The following GJB6 variants were observed in gnomAD, a reference collection of about 807,000 sequenced individuals.
GJB6 encodes gap junction beta-6 protein.
In GJB6, 5 loss-of-function variants were observed where a neutral mutation model predicts 5.4. The observed-to-expected ratio is 0.92, with a 90% CI of 0.48 to 1.93. The LOEUF is 1.93. GJB6 is among the 30% of genes most tolerant of loss of function. GJB6 has a pLI of 0.01. For missense variants in GJB6, 298 were observed against 326.9 expected, an observed-to-expected ratio of 0.91 and a Z score of 0.68; for synonymous variants, 136 against 129.6, an observed-to-expected ratio of 1.05 and a Z score of -0.34.
intron 4 of GJB6, among the ~76,000 whole-genome samples, chr13:20,227,667 C>G (rs867787584): frequency 6.6e-6 from 1 of 152,130 alleles, no homozygotes; most frequent in East Asian, 1.9e-4. Context: ...GGGGATCTGC[C>G]GTGCGTATCA....
rs532082190 is a variant in GJB6 at position 20,222,291 on chromosome 13, A to C, written c.*404T>G. On this transcript the variant is annotated 3_prime_UTR_variant, in exon 5 of 5. Transcript: ENST00000647029. ...AAGGAAGACCAGTCATTATAAAAAT[A>C]CTTTATATAAATTCAAAGTCAGAAC... 1 of 175,458 alleles carries C rather than the reference A, an allele frequency of 5.7e-6. No individual in the cohort carries two copies. The highest frequency in any genetic ancestry group is 5.6e-5 in the Admixed American group (1 of 17,998). 10.9% of individuals were successfully genotyped at this position (175,458 alleles called of 1,614,324 possible). A position where few individuals can be genotyped will look rare whatever the true frequency, so the allele number is the denominator to read the frequency against.
chr13:20,229,792 T>TCCACC (rs1869950674), intron 3 of GJB6, 43 bp from the exon 4 acceptor site: 1 of 72,816 alleles, frequency 1.4e-5, no homozygotes, highest in South Asian at 7.8e-4. Context: ...TTCCTTTAAC[T>TCCACC]CCCCCCCCCC....
At chr13:20,227,005 T>A (rs946721327) in intron 4 of GJB6, among the ~76,000 whole-genome samples, 1 of 152,092 alleles carries the variant, frequency 6.6e-6, no homozygotes, top group Admixed American at 6.6e-5. Context: ...GAGGGGGACA[T>A]GGCCTGGATG....
intron 4 of GJB6, chr13:20,225,605 A>G (rs1264035118): frequency 6.6e-6 from 1 of 152,142 alleles, no homozygotes; most frequent in Non-Finnish European, 1.5e-5. Context: ...AGGAGAGCAG[A>G]ATATTATTAT....
At chr13:20,230,337 TA>T (rs1869997961) in intron 3 of GJB6, among the ~76,000 whole-genome samples, 1 of 152,244 alleles carries the variant, frequency 6.6e-6, no homozygotes. Flanking sequence ...TGCAATTACG[TA>T]TGTTTCTTAC....
At chr13:20,229,352 T>A (rs1464202905) in intron 4 of GJB6, among the ~76,000 whole-genome samples, 2 of 123,288 alleles carry the variant, frequency 1.6e-5, no homozygotes, top group African/African-American at 6.3e-5. Context: ...TTTTTAGTAG[T>A]GACAGGGTTT....
Position 20,222,649 on chromosome 13 carries a change from AG to A in GJB6, c.*45del. 1.9e-6 allele frequency: 3 copies of A among 1,540,862 alleles called. No individual in the cohort carries two copies. The highest frequency in any genetic ancestry group is 2.7e-6 in the Non-Finnish European group (3 of 1,113,204). On this transcript the variant is annotated 3_prime_UTR_variant, in exon 5 of 5. Coordinates refer to ENST00000647029, the MANE Select transcript of GJB6 (RefSeq NM_001110219.3). ...TCAGGTTGGTATTGCCTTCTGGAGA[AG>A]ACAGAAGTCTCCTTATGACGCAGCT...
At chr13:20,228,775 C>T (rs563137061) in intron 4 of GJB6, among the ~76,000 whole-genome samples, 16 of 152,088 alleles carry the variant, frequency 1.1e-4, no homozygotes, top group East Asian at 3.9e-4. Flanking sequence ...TGAGCCACCG[C>T]GCCCGGCCCA....
intron 4 of GJB6, 108 bp downstream of exon 4, chr13:20,229,472 T>C (rs1439592224): frequency 6.6e-6 from 1 of 151,920 alleles, no homozygotes; most frequent in Non-Finnish European, 1.5e-5. Flanking sequence ...GAGTAGTTGA[T>C]AGATCTGAGA....
At chr13:20,230,671 C>G (rs1360733839) in intron 3 of GJB6, 27 bp downstream of exon 3, 1 of 152,164 alleles carries the variant, frequency 6.6e-6, no homozygotes, top group Admixed American at 6.5e-5. Flanking sequence ...AACATTTAAA[C>G]TAATATATGC....
chr13:20,226,896 G>A (rs1869618950), intron 4 of GJB6, among the ~76,000 whole-genome samples: 1 of 152,182 alleles, frequency 6.6e-6, no homozygotes, highest in Non-Finnish European at 1.5e-5. Context: ...TGAGACAGCT[G>A]TGTTCTCTCG....
chr13:20,224,562 C>T (rs926210744), intron 4 of GJB6, among the ~76,000 whole-genome samples: 24 of 152,300 alleles, frequency 1.6e-4, no homozygotes, highest in South Asian at 4.1e-4. Flanking sequence ...CACCCAGTGC[C>T]TCCTTCCCTG....
chr13:20,223,323 C>A lies in GJB6; in HGVS notation c.158G>T (p.Cys53Phe). ...VWGDEQEDFV[C>F]NTLQPGCKNV... is the part of the protein sequence containing the mutation. The stretch of plus-strand genomic sequence containing the variant: ...TTTGCATCCCGGTTGCAGTGTGTTG[C>A]AGACGAAGTCCTCTTGCTCGTCACC... The change falls in exon 5 of 5, where the codon TGC becomes TTC. Residue 53 changes from cysteine (C) to phenylalanine (F), a missense_variant. By Grantham distance (205) the Cys-to-Phe change is radical (BLOSUM62 -2). Coordinates refer to ENST00000647029, the MANE Select transcript of GJB6 (RefSeq NM_001110219.3). 1 of 1,614,182 alleles carries A rather than the reference C, an allele frequency of 6.2e-7. No individual in the cohort carries two copies.
chr13:20,223,074 T>C lies in GJB6; in HGVS notation c.407A>G (p.Tyr136Cys). ...VRIEGSLWWTYTSSIFFRIIF... is the reference protein window; with the variant it reads ...VRIEGSLWWTCTSSIFFRIIF... ...GATTCGGAAAAAGATGCTGCTGGTGTACGTCCACCACAGCGACCCCTCTAT... is the reference window on the plus strand; with the variant it reads ...GATTCGGAAAAAGATGCTGCTGGTGCACGTCCACCACAGCGACCCCTCTAT... The change falls in exon 5 of 5, where the codon TAC becomes TGC. Residue 136 changes from tyrosine (Y) to cysteine (C), a missense_variant. Coordinates refer to ENST00000647029, the MANE Select transcript of GJB6 (RefSeq NM_001110219.3). 1.2e-6 allele frequency: 2 copies of C among 1,614,202 alleles called. No individual in the cohort carries two copies. The highest frequency in any genetic ancestry group is 1.7e-6 in the Non-Finnish European group (2 of 1,180,004).
At chr13:20,229,424 G>A (rs1869913494) in intron 4 of GJB6, among the ~76,000 whole-genome samples, 156 bp downstream of exon 4, 1 of 149,624 alleles carries the variant, frequency 6.7e-6, no homozygotes, top group Admixed American at 6.7e-5. Context: ...CAAAGTGTTG[G>A]GATTACAGGC....
chr13:20,226,077 C>T (rs886196152), intron 4 of GJB6, among the ~76,000 whole-genome samples: 1 of 152,014 alleles, frequency 6.6e-6, no homozygotes, highest in African/African-American at 2.4e-5. Flanking sequence ...AAAGACCTGG[C>T]CCTCGGGGGC....
intron 4 of GJB6, among the ~76,000 whole-genome samples, chr13:20,223,970 A>G (rs1380819963): frequency 7.3e-6 from 1 of 136,142 alleles, no homozygotes; most frequent in Non-Finnish European, 1.6e-5. Context: ...CTCTGTCTCG[A>G]AAAAAAAAAA....
Position 20,222,570 on chromosome 13 carries a change from T to G in GJB6, c.*125A>C. ...GTATCCTACAAAAAGTTAACTCAAG[T>G]GTCTATTTATTATGAAAGTCATTTA... On this transcript the variant is annotated 3_prime_UTR_variant, in exon 5 of 5. Coordinates refer to ENST00000647029, the MANE Select transcript of GJB6 (RefSeq NM_001110219.3). 1.3e-6 allele frequency: 1 copy of G among 779,478 alleles called. No individual in the cohort carries two copies. Among genetic ancestry groups the G allele is most frequent in the African/African-American group, 1.7e-5 (1 of 58,494 alleles). 48.3% of individuals were successfully genotyped at this position (779,478 alleles called of 1,614,324 possible). A position where few individuals can be genotyped will look rare whatever the true frequency, so the allele number is the denominator to read the frequency against.
chr13:20,226,024 G>T (rs1444972507), intron 4 of GJB6, among the ~76,000 whole-genome samples: 1 of 152,074 alleles, frequency 6.6e-6, no homozygotes, highest in Non-Finnish European at 1.5e-5. Flanking sequence ...TGGGCTCCCC[G>T]GGCAGCCCAC....
Sources: gnomAD v4.1 joint callset for allele counts (sites outside exome capture counted in the v4.1 genomes callset) on GRCh38, gnomAD v4.1.1 for gene constraint, MANE v1.5 for transcripts, NCBI Gene and HGNC (gene_info 2026-07-23, HGNC 2026-07-21) for gene names.